DOCK3: variants seen among roughly 807,000 people sequenced by gnomAD.
DOCK3 encodes dedicator of cytokinesis 3.
DOCK3 carries 60 observed loss-of-function variants against 265.6 expected under a neutral mutation model. The ratio of observed to expected loss-of-function variants is 0.23; its 90% CI spans 0.18 to 0.28. DOCK3 has a LOEUF of 0.28. Ranked by LOEUF, DOCK3 falls within the 10% of genes least tolerant of loss-of-function variation. DOCK3 has a pLI of 1.00. For missense variants in DOCK3, 1,981 were observed against 2,594.3 expected (o/e 0.76, Z 5.14); for synonymous variants, 881 against 938.0 (o/e 0.94, Z 1.11).
intron 35 of DOCK3, 41 bp from the exon 36 acceptor site, chr3:51,338,318 C>T: frequency 6.5e-7 from 1 of 1,550,120 alleles, no homozygotes; most frequent in African/African-American, 1.4e-5. Context: ...GTCTCAAGGC[C>T]CCACTTCATA....
intron 23 of DOCK3, among the ~76,000 whole-genome samples, chr3:51,264,375 C>T (rs1248317301): frequency 6.6e-6 from 1 of 152,120 alleles, no homozygotes; most frequent in Non-Finnish European, 1.5e-5. Context: ...CACAACATAC[C>T]AGAACCTCTG....
intron 4 of DOCK3, among the ~76,000 whole-genome samples, chr3:50,900,307 C>A (rs1559787989): frequency 6.6e-6 from 1 of 152,062 alleles, no homozygotes; most frequent in African/African-American, 2.4e-5. Context: ...AGTTCTTGTG[C>A]TGTGTTTTTT....
intron 40 of DOCK3, among the ~76,000 whole-genome samples, chr3:51,352,967 C>T (rs562813832): frequency 6.6e-6 from 1 of 152,210 alleles, no homozygotes; most frequent in Non-Finnish European, 1.5e-5. Context: ...TTAGCTCTAT[C>T]AGCTTGGTTT....
chr3:51,144,346 T>G (rs2085199048), intron 9 of DOCK3, among the ~76,000 whole-genome samples: 1 of 152,196 alleles, frequency 6.6e-6, no homozygotes, highest in African/African-American at 2.4e-5. Flanking sequence ...GAATCACCAG[T>G]GATCTGTGTT....
intron 2 of DOCK3, 40 bp from the exon 3 acceptor site, chr3:50,841,635 T>G: frequency 2.9e-6 from 3 of 1,024,120 alleles, no homozygotes; most frequent in Non-Finnish European, 2.7e-6. Context: ...TTATTGAACA[T>G]GACATTGTGA....
At position 51,353,542 on chromosome 3, in the gene DOCK3, G is replaced by A. The variant is rs1437318207; in HGVS notation, c.4108-1340G>A. On this transcript the variant is annotated intron_variant, in intron 40 of 52. Coordinates refer to ENST00000266037, the MANE Select transcript of DOCK3 (RefSeq NM_004947.5). ...TGGGAGAATCACTTGAACCCGGGAG[G>A]CATAGATTGCAGTGAGCCCAGATTG... 2.6e-5 allele frequency among the ~76,000 whole-genome samples: 4 copies of A among 152,136 alleles called. No individual in the cohort carries two copies. The East Asian group carries it at 5.8e-4, about 22-fold the overall frequency.
chr3:50,821,140 CTTTTTTTTT>C (rs771111717), intron 2 of DOCK3, among the ~76,000 whole-genome samples: 3 of 119,474 alleles, frequency 2.5e-5, no homozygotes, highest in South Asian at 2.7e-4. Context: ...TTTCTTTTTT[CTTTTTTTTT>C]TTTTTTTTTG....
chr3:50,766,233 A>G (rs933548715), intron 1 of DOCK3, among the ~76,000 whole-genome samples: 14 of 150,820 alleles, frequency 9.3e-5, no homozygotes, highest in Non-Finnish European at 1.5e-5. Context: ...TTAACTTGTC[A>G]TTTACATTAG....
intron 3 of DOCK3, among the ~76,000 whole-genome samples, chr3:50,865,018 G>T (rs1395775799): frequency 6.6e-6 from 1 of 151,688 alleles, no homozygotes; most frequent in African/African-American, 2.4e-5. Context: ...TTAATTTTGG[G>T]GGGTACATAG....
chr3:51,075,483 T>TTTTTTCTCTTTTGTTTTCTC, intron 7 of DOCK3, 43 bp downstream of exon 7: 1 of 1,453,204 alleles, frequency 6.9e-7, no homozygotes, highest in Non-Finnish European at 9.3e-7. Flanking sequence ...GCATACCTCA[T>TTTTTTCTCTTTTGTTTTCTC]TTTTTCTCTT....
intron 5 of DOCK3, among the ~76,000 whole-genome samples, chr3:50,964,430 T>TA (rs2076972028): frequency 6.6e-6 from 1 of 152,108 alleles, no homozygotes; most frequent in South Asian, 2.1e-4. Context: ...GGATGGTATT[T>TA]AAAAAACACC....
Position 51,312,635 on chromosome 3 carries a change from G to A in DOCK3, c.3194+59G>A, listed in dbSNP as rs527737148. Reference sequence around the variant, plus strand: ...ACTTGGCCAAATAGGGCTATGTTTCGTTGAGAGTTCTTTCAGAGGTCCACA... The same window carrying A: ...ACTTGGCCAAATAGGGCTATGTTTCATTGAGAGTTCTTTCAGAGGTCCACA... On this transcript the variant is annotated intron_variant, in intron 30 of 52. Transcript: ENST00000266037. 95 of 1,462,026 alleles carry A rather than the reference G, an allele frequency of 6.5e-5. 1 individual carries two copies. The highest frequency in any genetic ancestry group is 4.1e-4 in the South Asian group (30 of 73,654). The allele number at this position is 1,462,026 out of a possible 1,614,324, so 90.6% of individuals were successfully genotyped here.
chr3:51,209,007 T>C (rs1226377225), intron 13 of DOCK3, 145 bp downstream of exon 13: 1 of 713,740 alleles, frequency 1.4e-6, no homozygotes, highest in Non-Finnish European at 2.2e-6. Flanking sequence ...TCATTCTTTT[T>C]GTAATAATTT....
At chr3:50,776,805 C>G (rs1245141255) in intron 1 of DOCK3, among the ~76,000 whole-genome samples, 2 of 151,980 alleles carry the variant, frequency 1.3e-5, no homozygotes, top group Non-Finnish European at 2.9e-5. Flanking sequence ...GTCAGTTTTC[C>G]CAGCACCATT....
chr3:50,726,439 T>C (rs1404123831), intron 1 of DOCK3, among the ~76,000 whole-genome samples: 1 of 152,136 alleles, frequency 6.6e-6, no homozygotes, highest in Non-Finnish European at 1.5e-5. Context: ...GGGCTAGACC[T>C]ATACTGAAAA....
intron 10 of DOCK3, among the ~76,000 whole-genome samples, chr3:51,156,084 G>A (rs1207559273): frequency 6.6e-6 from 1 of 152,022 alleles, no homozygotes; most frequent in East Asian, 1.9e-4. Context: ...AATTGAACTT[G>A]ATTATTACTA....
chr3:50,691,724 G>C (rs1372814151), intron 1 of DOCK3, among the ~76,000 whole-genome samples: 1 of 152,108 alleles, frequency 6.6e-6, no homozygotes, highest in East Asian at 1.9e-4. Context: ...CCCAATACTT[G>C]TTGTTTTCTG....
chr3:51,059,594 G>A (rs896112904), intron 5 of DOCK3, among the ~76,000 whole-genome samples: 3 of 151,990 alleles, frequency 2.0e-5, no homozygotes, highest in African/African-American at 7.2e-5. Flanking sequence ...CTCCGTAAGA[G>A]ACTGTTTTAT....
rs542923817 is a variant in DOCK3, at chr3:51,131,803, C to T, written c.747-14746C>T. On this transcript the variant is annotated intron_variant, in intron 9 of 52. Coordinates refer to ENST00000266037, the MANE Select transcript of DOCK3 (RefSeq NM_004947.5). ...CACCTGGCCCCTGCCACCTTGGGAT[C>T]CAGTTATTTCCATTGTATTTAAATT... 2.6e-5 allele frequency among the ~76,000 whole-genome samples: 4 copies of T among 152,132 alleles called. No homozygotes were observed. The South Asian group carries it at 6.2e-4, about 24-fold the overall frequency.
Sources: allele counts gnomAD v4.1 joint callset (sites outside exome capture counted in the v4.1 genomes callset), GRCh38; gene constraint gnomAD v4.1.1; transcripts MANE v1.5; gene names NCBI Gene and HGNC (gene_info 2026-07-23, HGNC 2026-07-21).